Variants in ACBD6 observed in about 807,000 individuals in gnomAD.
ACBD6 encodes the protein acyl-CoA-binding domain-containing protein 6.
A neutral mutation model predicts 37.2 loss-of-function variants in ACBD6; 28 were observed. The observed-to-expected ratio is 0.75, with a 90% CI of 0.56 to 1.03. The LOEUF (loss-of-function observed/expected upper bound fraction) is 1.03. Among genes scored for constraint, ACBD6 ranks in the 50% least tolerant of loss-of-function variants. The probability of loss-of-function intolerance (pLI) is 0.00; values close to 1 mark genes in which losing one functional copy is unlikely to be tolerated. For synonymous variants in ACBD6, 113 were observed against 126.8 expected (o/e 0.89, Z 0.73); for missense variants, 340 against 337.4 (o/e 1.01, Z -0.06).
chr1:180,312,620 C>T (rs1650637250), intron 7 of ACBD6, among the ~76,000 whole-genome samples: 3 of 152,028 alleles, frequency 2.0e-5, no homozygotes, highest in South Asian at 2.1e-4. Flanking sequence ...TTTCTTGTTT[C>T]GGATTTTAAA....
intron 6 of ACBD6, among the ~76,000 whole-genome samples, chr1:180,395,466 ATTTTT>A (rs774323429): frequency 6.6e-6 from 1 of 151,766 alleles, no homozygotes; most frequent in Non-Finnish European, 1.5e-5. Context: ...GTGTTGTGTG[ATTTTT>A]TTTTATTTTT....
At chr1:180,440,411 GAA>G (rs1649233936) in intron 3 of ACBD6, among the ~76,000 whole-genome samples, 1 of 152,134 alleles carries the variant, frequency 6.6e-6, no homozygotes, top group Admixed American at 6.6e-5. Flanking sequence ...ATCCAGCCTT[GAA>G]AAGTCTTTAT....
At chr1:180,404,003 T>C (rs1025489636) in intron 5 of ACBD6, among the ~76,000 whole-genome samples, 58 of 152,026 alleles carry the variant, frequency 3.8e-4, no homozygotes, top group African/African-American at 1.3e-3. Context: ...CAGGCTGGAG[T>C]GCAGTGGTGC....
intron 1 of ACBD6, among the ~76,000 whole-genome samples, chr1:180,496,592 T>C (rs1379983769): frequency 1.3e-5 from 2 of 152,224 alleles, no homozygotes; most frequent in Non-Finnish European, 2.9e-5. Context: ...TTCAAGATGC[T>C]GCACGACCTT....
intron 3 of ACBD6, among the ~76,000 whole-genome samples, chr1:180,457,816 G>A (rs191499955): frequency 2.0e-5 from 3 of 149,250 alleles, no homozygotes; most frequent in Non-Finnish European, 4.4e-5. Flanking sequence ...TTTTGAGACG[G>A]AGTTTCGCTC....
chr1:180,314,551 A>AT (rs1650723643), intron 7 of ACBD6, 141 bp downstream of exon 7: 2 of 694,124 alleles, frequency 2.9e-6, no homozygotes, highest in Non-Finnish European at 2.4e-6. Context: ...GGCCTAATAC[A>AT]TTTTTTTGAA....
At chr1:180,468,360 C>T (rs1464351864) in intron 3 of ACBD6, among the ~76,000 whole-genome samples, 1 of 152,126 alleles carries the variant, frequency 6.6e-6, no homozygotes, top group Non-Finnish European at 1.5e-5. Context: ...GATAGGAGGT[C>T]CTGCTGACGC....
At chr1:180,452,920 T>C (rs1201898176) in intron 3 of ACBD6, among the ~76,000 whole-genome samples, 1 of 152,084 alleles carries the variant, frequency 6.6e-6, no homozygotes, top group African/African-American at 2.4e-5. Flanking sequence ...AGGCAGTAAT[T>C]AATAGCCTAC....
chr1:180,449,410 CTT>C (rs34597184), intron 3 of ACBD6, among the ~76,000 whole-genome samples: 15 of 137,930 alleles, frequency 1.1e-4, no homozygotes, highest in Admixed American at 2.2e-4. Context: ...ACAACTCGCA[CTT>C]TTTTTTTTTT....
intron 5 of ACBD6, among the ~76,000 whole-genome samples, chr1:180,411,935 G>A (rs1229687496): frequency 1.3e-5 from 2 of 152,058 alleles, no homozygotes. Context: ...CTCCCAAAGT[G>A]CTGGGATTAC....
At chr1:180,339,285 T>A (rs1001943036) in intron 6 of ACBD6, among the ~76,000 whole-genome samples, 12 of 152,184 alleles carry the variant, frequency 7.9e-5, no homozygotes, top group African/African-American at 2.9e-4. Flanking sequence ...CCAACCCAAA[T>A]GTCCATCAGT....
intron 3 of ACBD6, among the ~76,000 whole-genome samples, chr1:180,474,565 C>T (rs1456922867): frequency 6.6e-6 from 1 of 152,102 alleles, no homozygotes; most frequent in Non-Finnish European, 1.5e-5. Context: ...TGGCTATGGG[C>T]TGGGTTACTT....
At chr1:180,338,162 C>A (rs1325631487) in intron 6 of ACBD6, among the ~76,000 whole-genome samples, 1 of 152,076 alleles carries the variant, frequency 6.6e-6, no homozygotes, top group East Asian at 1.9e-4. Context: ...ACTTTCTTCA[C>A]AGAATTGGAA....
intron 3 of ACBD6, among the ~76,000 whole-genome samples, chr1:180,436,244 T>C (rs566616495): frequency 6.6e-6 from 1 of 152,350 alleles, no homozygotes; most frequent in African/African-American, 2.4e-5. Context: ...GTAGGCACTT[T>C]GTAAATTCAT....
At chr1:180,356,556 T>C (rs1014675284) in intron 6 of ACBD6, among the ~76,000 whole-genome samples, 1 of 151,726 alleles carries the variant, frequency 6.6e-6, no homozygotes, top group African/African-American at 2.4e-5. Flanking sequence ...ATAATGAAAA[T>C]AGATTGTTGG....
chr1:180,435,163 T>C (rs1188494826), intron 3 of ACBD6: 1 of 696,780 alleles, frequency 1.4e-6, no homozygotes, highest in African/African-American at 1.8e-5. Flanking sequence ...CACATTAACC[T>C]GGGCTGCGAC....
intron 4 of ACBD6, among the ~76,000 whole-genome samples, chr1:180,418,070 C>A (rs1296996709): frequency 6.6e-6 from 1 of 151,764 alleles, no homozygotes; most frequent in Non-Finnish European, 1.5e-5. Context: ...TAATCTTTCA[C>A]ATATCTAATC....
intron 6 of ACBD6, among the ~76,000 whole-genome samples, chr1:180,360,996 A>T (rs906338744): frequency 6.6e-6 from 1 of 151,964 alleles, no homozygotes; most frequent in African/African-American, 2.4e-5. Context: ...GGTCAGTTGA[A>T]TTTTTTTTAC....
intron 5 of ACBD6, among the ~76,000 whole-genome samples, chr1:180,410,440 T>C (rs183426993): frequency 1.3e-5 from 2 of 152,320 alleles, no homozygotes; most frequent in East Asian, 1.9e-4. Flanking sequence ...CTTCAAAAGA[T>C]AGACTGACAC....
Sources: gnomAD v4.1 joint callset for allele counts (sites outside exome capture counted in the v4.1 genomes callset) on GRCh38, gnomAD v4.1.1 for gene constraint, MANE v1.5 for transcripts, NCBI Gene and HGNC (gene_info 2026-07-23, HGNC 2026-07-21) for gene names.